EYA4: variants seen among roughly 807,000 people sequenced by gnomAD.
The protein encoded by EYA4 is EYA transcriptional coactivator and phosphatase 4.
Under a neutral mutation model 87.9 loss-of-function variants are expected in EYA4, and 31 were observed. The observed-to-expected ratio is 0.35, with a 90% confidence interval of 0.27 to 0.48. EYA4 has a LOEUF of 0.48. EYA4 is among the 20% of genes least tolerant of loss of function. The pLI is 0.99. For missense variants in EYA4, 678 were observed against 761.4 expected, an observed-to-expected ratio of 0.89 and a Z score of 1.29; for synonymous variants, 263 against 270.6, an observed-to-expected ratio of 0.97 and a Z score of 0.28.
intron 1 of EYA4, among the ~76,000 whole-genome samples, chr6:133,274,510 T>A (rs1230323470): frequency 2.6e-5 from 4 of 152,180 alleles, no homozygotes; most frequent in African/African-American, 9.7e-5. Context: ...CCTGACTAGC[T>A]GTTCACATAC....
At chr6:133,424,614 A>C (rs963230692) in intron 3 of EYA4, among the ~76,000 whole-genome samples, 5 of 152,078 alleles carry the variant, frequency 3.3e-5, no homozygotes, top group African/African-American at 4.8e-5. Flanking sequence ...GCACAGCTGC[A>C]CCCAGAAGCT....
intron 3 of EYA4, among the ~76,000 whole-genome samples, chr6:133,423,077 A>T (rs552765041): frequency 7.9e-5 from 12 of 152,130 alleles, no homozygotes; most frequent in Non-Finnish European, 1.6e-4. Flanking sequence ...GATGGGGAAC[A>T]CAAAGGGAAA....
At chr6:133,377,787 G>T (rs1010680599) in intron 2 of EYA4, among the ~76,000 whole-genome samples, 15 of 151,886 alleles carry the variant, frequency 9.9e-5, no homozygotes, top group African/African-American at 3.6e-4. Flanking sequence ...TTTGAAAATT[G>T]TTCCACAGAA....
chr6:133,357,433 A>G (rs984924370), intron 2 of EYA4, among the ~76,000 whole-genome samples: 7 of 152,220 alleles, frequency 4.6e-5, no homozygotes, highest in Admixed American at 2.0e-4. Flanking sequence ...TTGAAGTAGC[A>G]AAATGAACTG....
intron 2 of EYA4, 113 bp from the exon 3 acceptor site, chr6:133,382,279 G>C: frequency 1.3e-6 from 1 of 791,650 alleles, no homozygotes; most frequent in South Asian, 1.4e-5. Context: ...AAAGTGTGGG[G>C]GGTATTTTAT....
chr6:133,291,039 A>G (rs958462347), intron 2 of EYA4, among the ~76,000 whole-genome samples: 1 of 152,196 alleles, frequency 6.6e-6, no homozygotes, highest in African/African-American at 2.4e-5. Context: ...TTTATTTTGC[A>G]TGTTTGTTTT....
chr6:133,283,770 C>T (rs1777818086), intron 2 of EYA4, among the ~76,000 whole-genome samples: 1 of 152,138 alleles, frequency 6.6e-6, no homozygotes, highest in Non-Finnish European at 1.5e-5. Flanking sequence ...GTGTAACCAT[C>T]ATTTGAATAG....
At chr6:133,517,344 C>A (rs1024822448) in intron 17 of EYA4, among the ~76,000 whole-genome samples, 7 of 152,018 alleles carry the variant, frequency 4.6e-5, no homozygotes, top group African/African-American at 1.7e-4. Flanking sequence ...ACCTATGTAA[C>A]CAACCTGCCC....
At chr6:133,280,329 T>C (rs955924120) in intron 2 of EYA4, among the ~76,000 whole-genome samples, 1 of 152,220 alleles carries the variant, frequency 6.6e-6, no homozygotes, top group Non-Finnish European at 1.5e-5. Flanking sequence ...AGTAGATGCG[T>C]TCAGTATAAT....
intron 2 of EYA4, among the ~76,000 whole-genome samples, chr6:133,343,008 A>G (rs1313425696): frequency 6.6e-6 from 1 of 152,172 alleles, no homozygotes; most frequent in Admixed American, 6.5e-5. Context: ...AACAGTTGCC[A>G]TAACCATGAA....
chr6:133,501,783 A>T (rs1452920790), intron 13 of EYA4, among the ~76,000 whole-genome samples: 1 of 152,214 alleles, frequency 6.6e-6, no homozygotes. Flanking sequence ...TTAAAAATAC[A>T]TAATTGCTGC....
intron 13 of EYA4, among the ~76,000 whole-genome samples, chr6:133,487,746 G>A (rs145781416): frequency 2.0e-5 from 3 of 152,286 alleles, no homozygotes; most frequent in Non-Finnish European, 2.9e-5. Flanking sequence ...AGTACTTGCC[G>A]CAGGCCTTGG....
At chr6:133,318,584 A>G (rs1315928309) in intron 2 of EYA4, among the ~76,000 whole-genome samples, 1 of 149,822 alleles carries the variant, frequency 6.7e-6, no homozygotes, top group Non-Finnish European at 1.5e-5. Flanking sequence ...TGCTACCCAG[A>G]ACCCTCTTGG....
At chr6:133,446,843 C>A in intron 4 of EYA4, 89 bp downstream of exon 4, 2 of 1,161,516 alleles carry the variant, frequency 1.7e-6, no homozygotes, top group East Asian at 2.4e-5. Context: ...AAATAAATAT[C>A]TTATTATCAA....
At chr6:133,517,510 G>C (rs1254833690) in intron 17 of EYA4, among the ~76,000 whole-genome samples, 1 of 150,424 alleles carries the variant, frequency 6.6e-6, no homozygotes, top group East Asian at 2.0e-4. Context: ...AATTGAATCA[G>C]AATGCAGAAA....
chr6:133,482,319 T>C (rs1796282949), intron 12 of EYA4, among the ~76,000 whole-genome samples: 1 of 152,212 alleles, frequency 6.6e-6, no homozygotes, highest in South Asian at 2.1e-4. Flanking sequence ...AAGTTCACAT[T>C]GCCTCAAGAA....
intron 13 of EYA4, among the ~76,000 whole-genome samples, chr6:133,502,043 T>TTCTCTC (rs3836968): frequency 2.0e-5 from 3 of 146,404 alleles, no homozygotes; most frequent in African/African-American, 5.1e-5. Flanking sequence ...CATCTTCCTC[T>TTCTCTC]TCTCTCTCTC....
At chr6:133,258,638 T>G (rs1013518959) in intron 1 of EYA4, among the ~76,000 whole-genome samples, 9 of 152,116 alleles carry the variant, frequency 5.9e-5, no homozygotes, top group Non-Finnish European at 1.3e-4. Flanking sequence ...CTTGTTCTCT[T>G]GTTCTTTTCT....
intron 3 of EYA4, among the ~76,000 whole-genome samples, chr6:133,401,464 T>TA (rs1788256924): frequency 6.6e-6 from 1 of 152,186 alleles, no homozygotes; most frequent in African/African-American, 2.4e-5. Flanking sequence ...AATACCCTGA[T>TA]TTGATTATAT....
Sources: gnomAD v4.1 joint callset for allele counts (sites outside exome capture counted in the v4.1 genomes callset) on GRCh38, gnomAD v4.1.1 for gene constraint, MANE v1.5 for transcripts, NCBI Gene and HGNC (gene_info 2026-07-23, HGNC 2026-07-21) for gene names.